Variants in ATP8B3 observed in about 807,000 individuals in gnomAD.
ATP8B3 encodes the protein ATPase phospholipid transporting 8B3.
Under a neutral mutation model 140.9 loss-of-function variants are expected in ATP8B3, and 141 were observed. The observed-to-expected ratio is 1.00, with a 90% CI of 0.87 to 1.15. ATP8B3 has a LOEUF of 1.15. Among genes scored for constraint, ATP8B3 ranks in the 50% most tolerant of loss-of-function variants. ATP8B3 has a pLI of 0.00. For missense variants in ATP8B3, 1,874 were observed against 1,740.6 expected (o/e 1.08, Z -1.36); for synonymous variants, 765 against 714.6 (o/e 1.07, Z -1.13).
Position 1,800,921 on chromosome 19 carries a change from C to T in ATP8B3, c.1153-472G>A, listed in dbSNP as rs1010492481. 4.0e-5 allele frequency among the ~76,000 whole-genome samples: 6 copies of T among 151,108 alleles called. 1 individual carries two copies. The South Asian group carries it at 6.3e-4, about 16-fold the overall frequency. On this transcript the variant is annotated intron_variant, in intron 12 of 28. Coordinates refer to ENST00000310127, the MANE Select transcript of ATP8B3 (RefSeq NM_138813.4). This position sits in a 1 kb window ranked among gnomAD's most constrained non-coding sequence, Gnocchi z 4.4. Reference sequence around the variant, plus strand: ...TTGGCTCACAGCAAGCTCCGCCTCCCGGGTTCACACCATTCTCCTGCCTCA... The same window carrying T: ...TTGGCTCACAGCAAGCTCCGCCTCCTGGGTTCACACCATTCTCCTGCCTCA...
chr19:1,795,647 G>A (rs1020961461), intron 18 of ATP8B3, among the ~76,000 whole-genome samples: 2 of 152,112 alleles, frequency 1.3e-5, no homozygotes, highest in Admixed American at 6.5e-5. Context: ...GCCGGTGTGT[G>A]TGTGTTTTGT....
chr19:1,795,236 C>A (rs778161505), intron 18 of ATP8B3, among the ~76,000 whole-genome samples: 2 of 151,906 alleles, frequency 1.3e-5, no homozygotes, highest in Admixed American at 6.6e-5. Context: ...GCCTGGGCAA[C>A]AGTGCAAGAC....
In ATP8B3 at chr19:1,800,270, G is replaced by A. The variant is rs1568646164; in HGVS notation, c.1332C>T (p.Ser444=). Residue 444 remains serine, a synonymous_variant, in exon 13 of 29, where the codon TCC becomes TCT. Coordinates refer to ENST00000310127, the MANE Select transcript of ATP8B3 (RefSeq NM_138813.4). This position sits in a 1 kb window ranked among gnomAD's most constrained non-coding sequence, Gnocchi z 4.4. The part of the protein sequence containing the change: ...LILLSVTIPM[S]MFILSEFIYL... Reference sequence around the variant, plus strand: ...CGGCGGAGACTCACAGGATGAACATGGACATCGGGATGGTGACGCTGAGCA... The same window carrying A: ...CGGCGGAGACTCACAGGATGAACATAGACATCGGGATGGTGACGCTGAGCA... 2.5e-6 allele frequency: 4 copies of A among 1,611,526 alleles called. No homozygotes were observed. The highest frequency in any genetic ancestry group is 3.4e-6 in the Non-Finnish European group (4 of 1,179,408).
intron 3 of ATP8B3, among the ~76,000 whole-genome samples, chr19:1,810,154 CCAGT>C (rs1418870672): frequency 6.6e-6 from 1 of 152,266 alleles, no homozygotes; most frequent in African/African-American, 2.4e-5. Flanking sequence ...TCCCCCAAAC[CCAGT>C]CAGTACTAGG....
rs1201971869 is a variant in ATP8B3 at position 1,807,122 on chromosome 19, C to T, written c.615+46G>A. The T allele has an allele frequency of 3.9e-6, 6 of 1,541,812 alleles. No individual in the cohort carries two copies. Among genetic ancestry groups the T allele is most frequent in the East Asian group, 2.2e-5 (1 of 44,468 alleles). On this transcript the variant is annotated intron_variant, in intron 6 of 28. Transcript: ENST00000310127. The surrounding 1 kb of genome is among the most constrained non-coding windows in gnomAD (Gnocchi z 5.9). The stretch of plus-strand genomic sequence containing the variant: ...CCCAGGGATCAAGAGACCCCCCCGA[C>T]CGGCCCCGCTCCCTCCCCCAGGCAG...
rs554107109 is a variant in ATP8B3 at position 1,785,409 on chromosome 19, A to G, written c.3393+60T>C. The G allele has an allele frequency of 1.7e-3, 2,698 of 1,582,596 alleles. 6 individuals carry two copies. Among genetic ancestry groups the G allele is most frequent in the Non-Finnish European group, 2.1e-3 (2,426 of 1,162,376 alleles). ...CAATGCCCCCAAAGCAGGGGTCCCC[A>G]GGGGAGGAGGCCTCCATAGGCCATG... On this transcript the variant is annotated intron_variant, in intron 26 of 28. Coordinates refer to ENST00000310127, the MANE Select transcript of ATP8B3 (RefSeq NM_138813.4).
chr19:1,793,304 T>C (rs540622902), intron 18 of ATP8B3, among the ~76,000 whole-genome samples: 1 of 152,324 alleles, frequency 6.6e-6, no homozygotes, highest in South Asian at 2.1e-4. Flanking sequence ...GGTTTCACCA[T>C]GTTGCCTGGG....
intron 10 of ATP8B3, among the ~76,000 whole-genome samples, chr19:1,803,881 A>G: frequency 7.1e-6 from 1 of 140,014 alleles, no homozygotes; most frequent in Non-Finnish European, 1.5e-5. Context: ...GGGCAACAAG[A>G]GCGAGACTCT....
intron 10 of ATP8B3, among the ~76,000 whole-genome samples, chr19:1,803,987 G>A (rs1427547358): frequency 4.6e-5 from 7 of 151,790 alleles, no homozygotes; most frequent in African/African-American, 1.7e-4. Context: ...CCCTCCACCA[G>A]GGCTAAGCCT....
rs771774762 is a variant in ATP8B3 at position 1,785,708 on chromosome 19, C to T, written c.3154G>A (p.Asp1052Asn). 1 of 1,583,542 alleles carries T rather than the reference C, an allele frequency of 6.3e-7. No individual in the cohort carries two copies. Among genetic ancestry groups the T allele is most frequent in the African/African-American group, 1.3e-5 (1 of 74,192 alleles). ...PVLYIGLFEQ[D>N]VSAEQSLEKP... ...TCCAGGCTCTGCTCTGCGCTCACGT[C>T]CTTGGGGCAAGCAGAAGCTCTTGGG... The change falls in exon 26 of 29, where the codon GAC becomes AAC. Residue 1052 changes from aspartate (D) to asparagine (N), a missense_variant and splice_region_variant. Asp to Asn is a conservative substitution (Grantham distance 23). This residue lies in a region of ATP8B3 where 840 missense variants were observed against 760.9 expected (regional missense o/e 1.10). Transcript: ENST00000310127.
chr19:1,793,829 G>A (rs1397289562), intron 18 of ATP8B3, among the ~76,000 whole-genome samples: 1 of 151,576 alleles, frequency 6.6e-6, no homozygotes. Context: ...TGCAAGCTCT[G>A]CCTCCCGGGT....
chr19:1,789,829 C>T, intron 22 of ATP8B3, 61 bp downstream of exon 22: 2 of 1,594,558 alleles, frequency 1.3e-6, no homozygotes, highest in South Asian at 2.2e-5. Context: ...CCCGAGCCCG[C>T]CGCCCCTCCA....
At position 1,800,593 on chromosome 19, in the gene ATP8B3, G is replaced by A. The variant is rs888288583; in HGVS notation, c.1153-144C>T. On this transcript the variant is annotated intron_variant, in intron 12 of 28. Coordinates refer to ENST00000310127, the MANE Select transcript of ATP8B3 (RefSeq NM_138813.4). This position sits in a 1 kb window ranked among gnomAD's most constrained non-coding sequence, Gnocchi z 4.4. ...TCAGCACTTCAGGAGGCTAAGGCAG[G>A]CGGATGGCTTGACGTCAGGAGTTCA... The A allele has an allele frequency of 5.4e-6, 4 of 742,068 alleles. No individual in the cohort carries two copies. In the East Asian group the frequency reaches 7.9e-5, roughly 15 times the overall value. 46.0% of individuals were successfully genotyped at this position (742,068 alleles called of 1,614,324 possible).
intron 25 of ATP8B3, among the ~76,000 whole-genome samples, 168 bp downstream of exon 25, chr19:1,786,935 G>A (rs561271964): frequency 6.6e-6 from 1 of 152,310 alleles, no homozygotes; most frequent in East Asian, 1.9e-4. Context: ...GCTCCGGTGG[G>A]AGAAGGTCAA....
chr19:1,805,992 G>C lies in ATP8B3; in HGVS notation c.751-34C>G, dbSNP rs1275683841. On this transcript the variant is annotated intron_variant, in intron 8 of 28. Coordinates refer to ENST00000310127, the MANE Select transcript of ATP8B3 (RefSeq NM_138813.4). This position sits in a 1 kb window ranked among gnomAD's most constrained non-coding sequence, Gnocchi z 5.2. ...GAGTGGGGGGCAGCGTTGCAAGAGG[G>C]GATGCAAGACAAATTGGGGGTGCGG... is the stretch of plus-strand genomic sequence containing the variant. The C allele has an allele frequency of 6.2e-7, 1 of 1,611,330 alleles. No individual in the cohort carries two copies. The highest frequency in any genetic ancestry group is 1.7e-5 in the Admixed American group (1 of 59,896).
intron 25 of ATP8B3, among the ~76,000 whole-genome samples, chr19:1,785,967 C>CA (rs1466891631): frequency 2.6e-5 from 4 of 151,742 alleles, no homozygotes; most frequent in East Asian, 3.9e-4. Context: ...CCCCCATCTC[C>CA]AAAAAAACCT....
chr19:1,809,677 T>G lies in ATP8B3; in HGVS notation c.368A>C (p.Lys123Thr). 1.2e-6 allele frequency: 2 copies of G among 1,611,312 alleles called. No individual in the cohort carries two copies. The highest frequency in any genetic ancestry group is 1.7e-6 in the Non-Finnish European group (2 of 1,179,110). ...CTTCCTTTGCCAGCACAGGATCACC[T>G]TCTCCTTGAACTGCCCGTTGTAGGC... ...NRAYNGQFKE[K>T]VILCWQRKKY... The change falls in exon 4 of 29, where the codon AAG (lysine) becomes ACG (threonine). Residue 123 changes from lysine (K) to threonine (T), a missense_variant. Lys to Thr is a moderately conservative substitution (Grantham distance 78). Around this residue, in one of 3 missense-constraint regions of ATP8B3, gnomAD observed 1,032 missense variants for 963.6 expected, o/e 1.07. Transcript: ENST00000310127.
chr19:1,800,290 T>A lies in ATP8B3; in HGVS notation c.1312A>T (p.Ser438Cys). The A allele has an allele frequency of 1.2e-6, 2 of 1,612,570 alleles. No homozygotes were observed. The highest frequency in any genetic ancestry group is 1.7e-6 in the Non-Finnish European group (2 of 1,179,758). ...AACATGGACATCGGGATGGTGACGC[T>A]GAGCAGGATGAGGAAGCTCCAGAAG... The part of the protein sequence containing the change: ...FVFWSFLILL[S>C]VTIPMSMFIL... The change falls in exon 13 of 29, where the codon AGC becomes TGC. Residue 438 changes from serine (S) to cysteine (C), a missense_variant. This residue lies in a region of ATP8B3 where 1,032 missense variants were observed against 963.6 expected (regional missense o/e 1.07). Transcript: ENST00000310127. The surrounding 1 kb of genome is among the most constrained non-coding windows in gnomAD (Gnocchi z 4.4).
At chr19:1,792,248 T>G in intron 18 of ATP8B3, 113 bp from the exon 19 acceptor site, 1 of 1,250,874 alleles carries the variant, frequency 8.0e-7, no homozygotes, top group Non-Finnish European at 1.1e-6. Flanking sequence ...CAAAAGCCTG[T>G]TGCCTCCCCA....
Sources: gnomAD v4.1 joint callset for allele counts (sites outside exome capture counted in the v4.1 genomes callset) on GRCh38, gnomAD v4.1.1 for gene constraint, gnomAD v4.1.1 regional missense constraint, Gnocchi (gnomAD v3.1) non-coding constraint, MANE v1.5 for transcripts, NCBI Gene and HGNC (gene_info 2026-07-23, HGNC 2026-07-21) for gene names.